Variants in THOC5 observed in about 807,000 individuals in gnomAD.
THOC5 encodes Fms-interacting protein.
THOC5 carries 43 observed loss-of-function variants against 92.9 expected under a neutral mutation model. The observed-to-expected ratio is 0.46, with a 90% CI of 0.36 to 0.60. The LOEUF (loss-of-function observed/expected upper bound fraction) is 0.60. Among genes scored for constraint, THOC5 ranks in the 20% least tolerant of loss-of-function variants. The pLI is 0.00. For synonymous variants in THOC5, 296 were observed against 320.1 expected, an observed-to-expected ratio of 0.92 and a Z score of 0.80; for missense variants, 659 against 849.4, an observed-to-expected ratio of 0.78 and a Z score of 2.79.
At chr22:29,546,317 A>G (rs459351) in intron 2 of THOC5, among the ~76,000 whole-genome samples, 121,852 of 152,006 alleles carry the variant, frequency 0.8, 49,137 homozygotes, top group African/African-American at 0.88. Flanking sequence ...CGCTTTCCCC[A>G]TGGTGTTAAT....
chr22:29,537,937 T>C (rs534738891), intron 6 of THOC5, among the ~76,000 whole-genome samples: 5 of 152,212 alleles, frequency 3.3e-5, no homozygotes, highest in Non-Finnish European at 7.3e-5. Flanking sequence ...TAAACCTCTT[T>C]ATTCATATAG....
intron 14 of THOC5, among the ~76,000 whole-genome samples, chr22:29,519,704 C>T (rs149232920): frequency 0.019 from 2,903 of 151,164 alleles, 86 homozygotes; most frequent in African/African-American, 0.067. Context: ...ATGATCTCAG[C>T]TCACCGCAAC....
intron 19 of THOC5, 132 bp from the exon 20 acceptor site, chr22:29,508,652 C>A: frequency 2.5e-6 from 2 of 803,982 alleles, no homozygotes; most frequent in Non-Finnish European, 2.0e-6. Flanking sequence ...GAAAAGCATA[C>A]GGCAGAACAA....
At position 29,546,902 on chromosome 22, in the gene THOC5, G is replaced by A. The variant is rs1211741747; in HGVS notation, c.96+2150C>T. Among the ~76,000 whole-genome samples the A allele has an allele frequency of 4.7e-5, 7 of 149,522 alleles. No individual in the cohort carries two copies. The East Asian group carries it at 6.0e-4, about 13-fold the overall frequency. On this transcript the variant is annotated intron_variant, in intron 2 of 19. Coordinates refer to ENST00000490103, the MANE Select transcript of THOC5 (RefSeq NM_003678.5). ...GTTGCTCAGGCTGGAGTGCAATGGC[G>A]CAATCTCAGCTCACTGCAACTTCTG...
rs560598750 is a variant in THOC5, at chr22:29,513,117, G to A, written c.1682-981C>T. On this transcript the variant is annotated intron_variant, in intron 17 of 19. Coordinates refer to ENST00000490103, the MANE Select transcript of THOC5 (RefSeq NM_003678.5). ...TGTAATCCCAGCACTTTGGGAGGCC[G>A]AGGTGGGCGGATCACGAGATCAGGA... Among the ~76,000 whole-genome samples the A allele has an allele frequency of 5.9e-5, 9 of 152,204 alleles. No homozygotes were observed. In the South Asian group the frequency reaches 1.2e-3, roughly 21 times the overall value.
intron 3 of THOC5, 99 bp from the exon 4 acceptor site, chr22:29,543,641 G>T: frequency 1.4e-6 from 1 of 707,288 alleles, no homozygotes; most frequent in South Asian, 1.9e-5. Flanking sequence ...GGCCAAAAAC[G>T]GCACCGGAGG....
intron 5 of THOC5, among the ~76,000 whole-genome samples, chr22:29,541,478 C>G (rs984064153): frequency 6.8e-6 from 1 of 147,228 alleles, no homozygotes; most frequent in Non-Finnish European, 1.5e-5. Flanking sequence ...ACCACACCAG[C>G]CTGGGTGACA....
At chr22:29,535,374 A>G (rs2063740807) in intron 7 of THOC5, 1 of 151,852 alleles carries the variant, frequency 6.6e-6, no homozygotes, top group Non-Finnish European at 1.5e-5. Flanking sequence ...AAAAGCTCCC[A>G]GTTCCCAGTC....
chr22:29,518,419 C>G (rs1440269434), intron 15 of THOC5, among the ~76,000 whole-genome samples: 1 of 152,154 alleles, frequency 6.6e-6, no homozygotes, highest in African/African-American at 2.4e-5. Context: ...AGTGAATAAA[C>G]TAAAAGAAGC....
intron 12 of THOC5, among the ~76,000 whole-genome samples, chr22:29,522,167 G>A (rs543229216): frequency 3.3e-5 from 5 of 150,306 alleles, no homozygotes; most frequent in East Asian, 2.0e-4. Context: ...TGGCTAACAC[G>A]GTGAAACCCC....
Position 29,517,085 on chromosome 22 carries a change from G to T in THOC5, c.1625C>A (p.Ala542Glu), listed in dbSNP as rs369317265. Residue 542 changes from alanine to glutamate, a missense_variant, in exon 17 of 20, where the codon GCG becomes GAG. Coordinates refer to ENST00000490103, the MANE Select transcript of THOC5 (RefSeq NM_003678.5). ...GAGATTGGTGTCCCCAGCCAGTCCC[G>T]CATCCACAATGTCTTTGGTGAAGTG... is the stretch of plus-strand genomic sequence containing the variant. ...ELHFTKDIVD[A>E]GLAGDTNLYY... The T allele has an allele frequency of 1.9e-6, 3 of 1,614,106 alleles. No individual in the cohort carries two copies. Among genetic ancestry groups the T allele is most frequent in the Non-Finnish European group, 2.5e-6 (3 of 1,180,008 alleles).
At chr22:29,519,907 T>TATAG in intron 14 of THOC5, 101 bp downstream of exon 14, 1 of 890,006 alleles carries the variant, frequency 1.1e-6, no homozygotes. Context: ...GTACAAGGAT[T>TATAG]ATAGGCATGA....
intron 15 of THOC5, 64 bp from the exon 16 acceptor site, chr22:29,517,430 C>T: frequency 7.0e-7 from 1 of 1,435,922 alleles, no homozygotes; most frequent in Non-Finnish European, 9.7e-7. Context: ...GGGTAACTAG[C>T]ATCCTCCTGG....
At position 29,525,938 on chromosome 22, in the gene THOC5, C is replaced by T. The variant is rs1159780511; in HGVS notation, c.1075G>A (p.Val359Met). 6.2e-7 allele frequency: 1 copy of T among 1,612,484 alleles called. No homozygotes were observed. The highest frequency in any genetic ancestry group is 1.1e-5 in the South Asian group (1 of 91,036). The change falls in exon 12 of 20, where the codon GTG (valine) becomes ATG (methionine). Residue 359 changes from valine (V) to methionine (M), a missense_variant. Val to Met is a conservative substitution (Grantham distance 21). Coordinates refer to ENST00000490103, the MANE Select transcript of THOC5 (RefSeq NM_003678.5). Reference sequence around the variant, plus strand: ...AGGTAGTAGAAAGTCAGGTGAAGCACACTGTCATCTGGAGGGGAGGAAGAT... The same window carrying T: ...AGGTAGTAGAAAGTCAGGTGAAGCATACTGTCATCTGGAGGGGAGGAAGAT... ...MLDLKCKDDS[V>M]LHLTFYYLMN...
rs1444033194 is a variant in THOC5, at chr22:29,519,130, A to T, written c.1375-10T>A. ...CAGCAATCACTGTTTGCTGTGAGTG[A>T]CAATGAGACACATACACGTGTGCTC... On this transcript the variant is annotated splice_polypyrimidine_tract_variant and intron_variant, in intron 14 of 19. Transcript: ENST00000490103. 1 of 1,576,832 alleles carries T rather than the reference A, an allele frequency of 6.3e-7. No individual in the cohort carries two copies. Among genetic ancestry groups the T allele is most frequent in the South Asian group, 1.1e-5 (1 of 88,218 alleles).
At chr22:29,527,937 A>C in intron 11 of THOC5, 141 bp downstream of exon 11, 2 of 736,366 alleles carry the variant, frequency 2.7e-6, no homozygotes. Flanking sequence ...TCCATGCAAA[A>C]CAATAAGGAA....
At chr22:29,518,550 C>A (rs902136139) in intron 15 of THOC5, among the ~76,000 whole-genome samples, 2 of 152,174 alleles carry the variant, frequency 1.3e-5, no homozygotes, top group African/African-American at 4.8e-5. Flanking sequence ...AAGGGATATG[C>A]GAGTTGCTCC....
chr22:29,529,875 C>T (rs554668598), intron 8 of THOC5, among the ~76,000 whole-genome samples: 20 of 152,356 alleles, frequency 1.3e-4, no homozygotes, highest in Non-Finnish European at 2.6e-4. Flanking sequence ...GGTGCAGTGG[C>T]TCACACCTGT....
intron 17 of THOC5, among the ~76,000 whole-genome samples, chr22:29,516,457 C>T (rs192925737): frequency 4.1e-4 from 63 of 152,298 alleles, no homozygotes; most frequent in African/African-American, 1.4e-3. Flanking sequence ...TCAGATCCCA[C>T]GGGCAGTGCC....
Sources: allele counts gnomAD v4.1 joint callset (sites outside exome capture counted in the v4.1 genomes callset), GRCh38; gene constraint gnomAD v4.1.1; transcripts MANE v1.5; gene names NCBI Gene and HGNC (gene_info 2026-07-23, HGNC 2026-07-21).